Variants in KIFAP3 observed in about 807,000 individuals in gnomAD.
The protein encoded by KIFAP3 is kinesin-associated protein 3.
KIFAP3 carries 68 observed loss-of-function variants against 106.5 expected under a neutral mutation model. That is an observed-to-expected ratio of 0.64 (90% CI 0.53 to 0.78). The LOEUF is 0.78. KIFAP3 is among the 30% of genes least tolerant of loss of function. The probability of loss-of-function intolerance (pLI) is 0.00; values close to 1 mark genes in which losing one functional copy is unlikely to be tolerated. For synonymous variants in KIFAP3, 320 were observed against 311.5 expected, an observed-to-expected ratio of 1.03 and a Z score of -0.29; for missense variants, 780 against 941.8, an observed-to-expected ratio of 0.83 and a Z score of 2.25.
At chr1:170,005,544 C>T (rs945882017) in intron 10 of KIFAP3, among the ~76,000 whole-genome samples, 1 of 151,824 alleles carries the variant, frequency 6.6e-6, no homozygotes, top group Admixed American at 6.6e-5. Flanking sequence ...ATGATGAGTT[C>T]ATGTCCTTTG....
intron 11 of KIFAP3, among the ~76,000 whole-genome samples, chr1:169,987,477 C>T (rs1038917595): frequency 1.3e-5 from 2 of 151,994 alleles, no homozygotes; most frequent in African/African-American, 4.8e-5. Flanking sequence ...CATCCCCTAC[C>T]CAAACATCTT....
At chr1:169,943,809 T>C (rs947610948) in intron 19 of KIFAP3, among the ~76,000 whole-genome samples, 1 of 152,174 alleles carries the variant, frequency 6.6e-6, no homozygotes, top group South Asian at 2.1e-4. Context: ...AGATAATCAC[T>C]CTTAAATGGT....
chr1:170,046,097 C>T (rs1363640040), intron 3 of KIFAP3, among the ~76,000 whole-genome samples: 1 of 149,444 alleles, frequency 6.7e-6, no homozygotes, highest in Non-Finnish European at 1.5e-5. Flanking sequence ...CACACTTCAG[C>T]CCAGTCCAAA....
rs372845540 is a variant in KIFAP3 at position 170,034,120 on chromosome 1, G to A, written c.742+252C>T. Among the ~76,000 whole-genome samples, 35 of 151,802 alleles carry A rather than the reference G, an allele frequency of 2.3e-4. No individual in the cohort carries two copies. In the South Asian group the frequency reaches 7.1e-3, roughly 31 times the overall value. On this transcript the variant is annotated intron_variant, in intron 7 of 19. Transcript: ENST00000361580. ...TAGAGGCTCACCTACTAAGTTACCC[G>A]ACACAACTATTACCTGCTCCTTCTA...
intron 5 of KIFAP3, among the ~76,000 whole-genome samples, chr1:170,037,995 GAT>G (rs1249673499): frequency 6.6e-6 from 1 of 152,002 alleles, no homozygotes; most frequent in Admixed American, 6.6e-5. Flanking sequence ...AATAAAACAT[GAT>G]ATATATATTT....
intron 18 of KIFAP3, among the ~76,000 whole-genome samples, chr1:169,956,065 A>G (rs1664998735): frequency 6.6e-6 from 1 of 152,168 alleles, no homozygotes; most frequent in Non-Finnish European, 1.5e-5. Flanking sequence ...AAAACTAACA[A>G]AAATCAACAA....
chr1:170,076,829 G>A (rs186404826), upstream of KIFAP3, among the ~76,000 whole-genome samples: 39 of 152,218 alleles, frequency 2.6e-4, no homozygotes, highest in East Asian at 1.2e-3. Context: ...GTTTTACCCC[G>A]CATATTTCTT....
Position 170,046,765 on chromosome 1 carries a change from A to T in KIFAP3, c.266T>A (p.Val89Glu), listed in dbSNP as rs1271619287. Residue 89 changes from valine to glutamate, a missense_variant, in exon 3 of 20, where the codon GTA becomes GAA. Physicochemically the swap from Val to Glu is moderately radical, Grantham distance 121 (BLOSUM62 -2). Coordinates refer to ENST00000361580, the MANE Select transcript of KIFAP3 (RefSeq NM_014970.4). ...KLIHPSKLNE[V>E]EQLLYYLQNR... ...CTGTAGATAGTACAACAGCTGTTCT[A>T]CCTCATTTAGTTTTGAAGGATGAAT... The T allele has an allele frequency of 1.2e-6, 2 of 1,608,592 alleles. No individual in the cohort carries two copies. The highest frequency in any genetic ancestry group is 8.5e-7 in the Non-Finnish European group (1 of 1,177,276).
rs772807351 is a variant in KIFAP3, at chr1:169,921,771, C to T, written c.2284G>A (p.Asp762Asn). 12 of 1,613,388 alleles carry T rather than the reference C, an allele frequency of 7.4e-6. No homozygotes were observed. The highest frequency in any genetic ancestry group is 1.0e-5 in the Non-Finnish European group (12 of 1,179,460). The change falls in exon 20 of 20, where the codon GAT becomes AAT. Residue 762 changes from aspartate (D) to asparagine (N), a missense_variant. Asp to Asn is a conservative substitution (Grantham distance 23). Transcript: ENST00000361580. ...ATGCCAACTGGTTGGCCAAAGCCAT[C>T]CATTCCAAGGCTAAAAAAGAAAAAA... Reference protein sequence around the residue: ...QHSFPGSLGMDGFGQPVGILG... With the variant: ...QHSFPGSLGMNGFGQPVGILG...
At chr1:170,079,089 G>C (rs1009565597), upstream of KIFAP3, among the ~76,000 whole-genome samples, 9 of 152,206 alleles carry the variant, frequency 5.9e-5, no homozygotes, top group African/African-American at 1.9e-4. Context: ...TGGAGACAGG[G>C]CCTAATGGGA....
chr1:170,063,497 G>A (rs1333648490), intron 1 of KIFAP3, among the ~76,000 whole-genome samples: 1 of 152,080 alleles, frequency 6.6e-6, no homozygotes, highest in Non-Finnish European at 1.5e-5. Context: ...AACTGTCCTT[G>A]AAAAACCCTA....
chr1:169,965,433 G>T (rs907340393), intron 17 of KIFAP3, among the ~76,000 whole-genome samples: 1 of 151,972 alleles, frequency 6.6e-6, no homozygotes, highest in African/African-American at 2.4e-5. Context: ...AAAATATGTG[G>T]TCTGCTATTC....
chr1:170,069,130 T>C (rs1337263842), intron 1 of KIFAP3, among the ~76,000 whole-genome samples: 2 of 152,070 alleles, frequency 1.3e-5, no homozygotes, highest in African/African-American at 4.8e-5. Context: ...TGAAAAAGAA[T>C]AATTCCTAGA....
rs535988580 is a variant in KIFAP3 at position 170,063,379 on chromosome 1, AT to A, written c.33-7944del. Among the ~76,000 whole-genome samples, 31 of 152,298 alleles carry A rather than the reference AT, an allele frequency of 2.0e-4. 1 individual carries two copies. In the South Asian group the frequency reaches 4.6e-3, roughly 22 times the overall value. Reference sequence around the variant, plus strand: ...CTGAACTAATTCAACTGGTTCTGTGATCCCCACCCAGGAACTGACTCAGCAC... The same window carrying A: ...CTGAACTAATTCAACTGGTTCTGTGACCCCACCCAGGAACTGACTCAGCAC... On this transcript the variant is annotated intron_variant, in intron 1 of 19. Transcript: ENST00000361580.
At chr1:170,003,763 G>A (rs1571643423) in intron 10 of KIFAP3, among the ~76,000 whole-genome samples, 1 of 152,172 alleles carries the variant, frequency 6.6e-6, no homozygotes, top group Admixed American at 6.6e-5. Flanking sequence ...ATACTGAATG[G>A]ACAAAAACTG....
chr1:170,014,577 T>A (rs6427230), intron 10 of KIFAP3, among the ~76,000 whole-genome samples: 146,614 of 152,256 alleles, frequency 0.96, 70,842 homozygotes, highest in East Asian at 1. Context: ...TTTGAATCCC[T>A]ATATATCTGT....
At chr1:170,052,627 CA>C (rs370234772) in intron 2 of KIFAP3, among the ~76,000 whole-genome samples, 15 of 152,174 alleles carry the variant, frequency 9.9e-5, no homozygotes, top group African/African-American at 3.1e-4. Context: ...AGCAGCATAT[CA>C]AAAAACTTAT....
At chr1:170,020,144 TA>T (rs568581979) in intron 9 of KIFAP3, among the ~76,000 whole-genome samples, 314 of 152,030 alleles carry the variant, frequency 2.1e-3, no homozygotes, top group African/African-American at 7.0e-3. Context: ...ATGGAAGAAA[TA>T]AAAAAAGACC....
upstream of KIFAP3, among the ~76,000 whole-genome samples, chr1:170,077,024 G>C (rs1305495154): frequency 6.6e-6 from 1 of 151,778 alleles, no homozygotes; most frequent in East Asian, 1.9e-4. Flanking sequence ...CAGCACTCTG[G>C]GTCTAGCTAA....
Sources: gnomAD v4.1 joint callset for allele counts (sites outside exome capture counted in the v4.1 genomes callset) on GRCh38, gnomAD v4.1.1 for gene constraint, MANE v1.5 for transcripts, NCBI Gene and HGNC (gene_info 2026-07-23, HGNC 2026-07-21) for gene names.